Variants in PRPF3 observed in about 807,000 individuals in gnomAD.
PRPF3 encodes U4/U6 small nuclear ribonucleoprotein Prp3.
A neutral mutation model predicts 89.2 loss-of-function variants in PRPF3; 3 were observed. The ratio of observed to expected loss-of-function variants is 0.03; its 90% CI spans 0.02 to 0.09. PRPF3 has a LOEUF of 0.09. Ranked by LOEUF, PRPF3 falls within the 10% of genes least tolerant of loss-of-function variation. PRPF3 has a pLI of 1.00. For synonymous variants in PRPF3, 270 were observed against 289.1 expected, an observed-to-expected ratio of 0.93 and a Z score of 0.67; for missense variants, 463 against 828.8, an observed-to-expected ratio of 0.56 and a Z score of 5.42.
intron 3 of PRPF3, 69 bp from the exon 4 acceptor site, chr1:150,328,251 G>T (rs1261806529): frequency 2.5e-6 from 4 of 1,584,572 alleles, no homozygotes; most frequent in Admixed American, 1.7e-5. Context: ...GCTGGTAGGG[G>T]CTAGGATAAT....
At chr1:150,326,941 AG>A (rs1655788119) in intron 3 of PRPF3, among the ~76,000 whole-genome samples, 1 of 152,180 alleles carries the variant, frequency 6.6e-6, no homozygotes, top group East Asian at 1.9e-4. Flanking sequence ...TGTAAATTTT[AG>A]GGTTGGTTAT....
intron 13 of PRPF3, 42 bp downstream of exon 13, chr1:150,346,178 C>T: frequency 6.5e-7 from 1 of 1,541,432 alleles, no homozygotes; most frequent in Non-Finnish European, 9.0e-7. Context: ...CCAGACAACC[C>T]TAGGCTTAGA....
At position 150,349,161 on chromosome 1, in the gene PRPF3, TGAG is replaced by T. The variant is rs781837059; in HGVS notation, c.1852_1854del (p.Glu618del). On this transcript the variant is annotated inframe_deletion, in exon 15 of 16. Transcript: ENST00000324862. The stretch of plus-strand genomic sequence containing the variant: ...GTAACAAGATTTCTCTTCCAGATGA[TGAG>T]GAGTCTGATGAGGAAGCTGTGAAGA... 7.4e-6 allele frequency: 12 copies of T among 1,613,240 alleles called. No homozygotes were observed. The highest frequency in any genetic ancestry group is 1.1e-5 in the South Asian group (1 of 91,074).
At chr1:150,336,835 G>A (rs2101985032) in intron 7 of PRPF3, among the ~76,000 whole-genome samples, 1 of 151,668 alleles carries the variant, frequency 6.6e-6, no homozygotes, top group South Asian at 2.1e-4. Flanking sequence ...TTCTACATAA[G>A]TGGAAATATT....
chr1:150,327,520 A>G, intron 3 of PRPF3: 2 of 966,620 alleles, frequency 2.1e-6, no homozygotes, highest in Non-Finnish European at 1.2e-6. Flanking sequence ...CACCCCACAC[A>G]ATATATTATG....
chr1:150,344,429 G>A lies in PRPF3; in HGVS notation c.1527-5G>A, dbSNP rs782779487. ...CACTTGTGGATGTCCTTCCTGTCAC[G>A]ACAGAGCGCATGAAGAGGCCAACGC... On this transcript the variant is annotated splice_polypyrimidine_tract_variant and splice_region_variant and intron_variant, in intron 11 of 15. Coordinates refer to ENST00000324862, the MANE Select transcript of PRPF3 (RefSeq NM_004698.4). The A allele has an allele frequency of 2.7e-5, 44 of 1,614,124 alleles. No homozygotes were observed. The highest frequency in any genetic ancestry group is 3.3e-4 in the Middle Eastern group (2 of 6,060).
Position 150,353,117 on chromosome 1 carries a change from A to G in PRPF3, c.*138A>G. ...GCAGACACTGGGACAAAGGGAGAAT[A>G]TCTTGCTCCCCTCCTGAGTCAGCCT... On this transcript the variant is annotated 3_prime_UTR_variant, in exon 16 of 16. Transcript: ENST00000324862. 2.6e-6 allele frequency: 3 copies of G among 1,155,504 alleles called. No homozygotes were observed. The highest frequency in any genetic ancestry group is 3.9e-6 in the Non-Finnish European group (3 of 769,060). 71.6% of individuals were successfully genotyped at this position (1,155,504 alleles called of 1,614,324 possible).
At chr1:150,346,782 C>T (rs781935992) in intron 14 of PRPF3, among the ~76,000 whole-genome samples, 1 of 152,104 alleles carries the variant, frequency 6.6e-6, no homozygotes. Flanking sequence ...TGAATTTATT[C>T]AGTATTTGAA....
chr1:150,348,331 C>G (rs1181986628), intron 14 of PRPF3, among the ~76,000 whole-genome samples: 4 of 151,778 alleles, frequency 2.6e-5, no homozygotes, highest in Non-Finnish European at 5.9e-5. Context: ...GAGCTGAGAT[C>G]ATACCACTTC....
intron 15 of PRPF3, among the ~76,000 whole-genome samples, chr1:150,352,079 C>T (rs1247247764): frequency 2.6e-5 from 4 of 152,116 alleles, no homozygotes; most frequent in Admixed American, 6.6e-5. Context: ...CTGCCCAGTA[C>T]TGTCTTTTTC....
chr1:150,326,033 G>A lies in PRPF3; in HGVS notation c.276+152G>A. ...ACATTAGAGTAGGAGAGATGAATTA[G>A]TGTCATCACCATCTGAACTACCTCT... is the stretch of plus-strand genomic sequence containing the variant. On this transcript the variant is annotated intron_variant, in intron 3 of 15. Coordinates refer to ENST00000324862, the MANE Select transcript of PRPF3 (RefSeq NM_004698.4). The A allele has an allele frequency of 4.3e-6, 4 of 929,284 alleles. No homozygotes were observed. In the Admixed American group the frequency reaches 8.5e-5, roughly 20 times the overall value. 57.6% of individuals were successfully genotyped at this position (929,284 alleles called of 1,614,324 possible). A position where few individuals can be genotyped will look rare whatever the true frequency, so the allele number is the denominator to read the frequency against.
At chr1:150,330,722 C>T (rs1656258770) in intron 4 of PRPF3, among the ~76,000 whole-genome samples, 1 of 142,578 alleles carries the variant, frequency 7.0e-6, no homozygotes, top group East Asian at 2.1e-4. Context: ...ATGTTTCTTT[C>T]TTTTTTTTTT....
At chr1:150,334,822 G>A in intron 6 of PRPF3, 113 bp from the exon 7 acceptor site, 1 of 1,287,914 alleles carries the variant, frequency 7.8e-7, no homozygotes, top group South Asian at 1.3e-5. Flanking sequence ...CTCTGCCTTG[G>A]CCTCCCAAAA....
At chr1:150,332,822 C>A in intron 5 of PRPF3, 55 bp downstream of exon 5, 1 of 1,585,336 alleles carries the variant, frequency 6.3e-7, no homozygotes, top group South Asian at 1.1e-5. Flanking sequence ...AATTTCTTGC[C>A]ATCCACTCAA....
intron 15 of PRPF3, among the ~76,000 whole-genome samples, chr1:150,351,488 G>A (rs1553874356): frequency 6.6e-6 from 1 of 151,366 alleles, no homozygotes. Context: ...CTGCATATTT[G>A]TTATCTTTTT....
At chr1:150,325,558 G>A (rs1231113025) in intron 2 of PRPF3, among the ~76,000 whole-genome samples, 193 bp from the exon 3 acceptor site, 9 of 152,034 alleles carry the variant, frequency 5.9e-5, no homozygotes, top group Non-Finnish European at 1.2e-4. Context: ...CACTTCCCAC[G>A]CCAAAAAATT....
chr1:150,330,806 T>C (rs1656275529), intron 4 of PRPF3, among the ~76,000 whole-genome samples: 1 of 149,642 alleles, frequency 6.7e-6, no homozygotes, highest in African/African-American at 2.5e-5. Context: ...AACCTCCGCC[T>C]CCCGGGTTCA....
intron 4 of PRPF3, among the ~76,000 whole-genome samples, chr1:150,328,853 A>C (rs1553864651): frequency 4.0e-5 from 6 of 151,376 alleles, no homozygotes; most frequent in Admixed American, 4.0e-4. Context: ...GCGCCCGGCT[A>C]ATTTTTTGTA....
rs587684791 is a variant in PRPF3 at position 150,334,556 on chromosome 1, C to G, written c.729-379C>G. 2.0e-5 allele frequency among the ~76,000 whole-genome samples: 3 copies of G among 152,118 alleles called. No homozygotes were observed. The South Asian group carries it at 6.2e-4, about 32-fold the overall frequency. ...AAGGCTGGTCTTGAACTCCTGGGCT[C>G]AAGCCATCCACCCGCCTCAGCCTCC... On this transcript the variant is annotated intron_variant, in intron 6 of 15. Coordinates refer to ENST00000324862, the MANE Select transcript of PRPF3 (RefSeq NM_004698.4).
Sources: gnomAD v4.1 joint callset for allele counts (sites outside exome capture counted in the v4.1 genomes callset) on GRCh38, gnomAD v4.1.1 for gene constraint, MANE v1.5 for transcripts, NCBI Gene and HGNC (gene_info 2026-07-23, HGNC 2026-07-21) for gene names.